RIMBP2: variants seen among roughly 807,000 people sequenced by gnomAD.
RIMBP2 encodes the protein RIMS-binding protein 2.
In RIMBP2, 48 loss-of-function variants were observed where a neutral mutation model predicts 118.6. The ratio of observed to expected loss-of-function variants is 0.40; its 90% CI spans 0.32 to 0.51. The LOEUF (loss-of-function observed/expected upper bound fraction) is 0.51. Ranked by LOEUF, RIMBP2 falls within the 20% of genes least tolerant of loss-of-function variation. The pLI, the probability that RIMBP2 is intolerant of heterozygous loss-of-function variation, is 0.41. For missense variants in RIMBP2, 1,551 were observed against 1,768.3 expected (o/e 0.88, Z 2.20); for synonymous variants, 762 against 742.9 (o/e 1.03, Z -0.42).
chr12:130,671,531 A>C (rs748437054), intron 1 of RIMBP2, among the ~76,000 whole-genome samples: 1 of 152,158 alleles, frequency 6.6e-6, no homozygotes, highest in Non-Finnish European at 1.5e-5. Context: ...CAGTGCCTAG[A>C]TGGGTACCTA....
chr12:130,650,411 T>G (rs1429293048), intron 1 of RIMBP2, among the ~76,000 whole-genome samples: 1 of 152,274 alleles, frequency 6.6e-6, no homozygotes, highest in Non-Finnish European at 1.5e-5. Flanking sequence ...GCCAGCCTTC[T>G]GCTCGTTGCT....
At position 130,406,442 on chromosome 12, in the gene RIMBP2, C is replaced by T. The variant is rs185064120; in HGVS notation, c.3694-199G>A. Among the ~76,000 whole-genome samples the T allele has an allele frequency of 9.8e-5, 15 of 152,302 alleles. No individual in the cohort carries two copies. The East Asian group carries it at 1.9e-3, about 20-fold the overall frequency. ...AGTAAGAACAAACCAAGATAATGTG[C>T]ACCTAAAAGGAAAATGCTGCAGTGC... On this transcript the variant is annotated intron_variant, in intron 20 of 22. Coordinates refer to ENST00000690449, the MANE Select transcript of RIMBP2 (RefSeq NM_001393629.1).
chr12:130,552,230 C>T (rs1245174591), intron 2 of RIMBP2, among the ~76,000 whole-genome samples: 2 of 152,174 alleles, frequency 1.3e-5, no homozygotes, highest in East Asian at 3.9e-4. Context: ...TAATTTTGGT[C>T]AGCCAGAGTA....
chr12:130,590,104 C>A (rs1278935118), intron 2 of RIMBP2, among the ~76,000 whole-genome samples: 1 of 152,210 alleles, frequency 6.6e-6, no homozygotes. Flanking sequence ...ATTCTTCCTG[C>A]AGACGCTTCT....
intron 14 of RIMBP2, chr12:130,432,029 T>G (rs1593271320): frequency 3.8e-6 from 1 of 260,972 alleles, no homozygotes; most frequent in Non-Finnish European, 7.6e-6. Context: ...TGGGGCCACC[T>G]GGGGCTGTGG....
chr12:130,646,392 T>TCTC (rs2062958383), intron 1 of RIMBP2, among the ~76,000 whole-genome samples: 1 of 137,494 alleles, frequency 7.3e-6, no homozygotes, highest in Non-Finnish European at 1.6e-5. Flanking sequence ...ACCACCTCCC[T>TCTC]CACCACCTGC....
intron 2 of RIMBP2, among the ~76,000 whole-genome samples, chr12:130,593,173 G>A (rs1267864316): frequency 1.3e-5 from 2 of 152,182 alleles, no homozygotes; most frequent in Non-Finnish European, 2.9e-5. Flanking sequence ...CCTGGCCCCG[G>A]TGTGGCTCCC....
intron 2 of RIMBP2, among the ~76,000 whole-genome samples, chr12:130,566,362 A>G (rs551757483): frequency 6.6e-6 from 1 of 152,342 alleles, no homozygotes; most frequent in East Asian, 1.9e-4. Flanking sequence ...CTGATGCTCT[A>G]TCTTTAAGGA....
At chr12:130,489,639 T>A (rs978457983) in intron 4 of RIMBP2, among the ~76,000 whole-genome samples, 1 of 152,078 alleles carries the variant, frequency 6.6e-6, no homozygotes, top group Non-Finnish European at 1.5e-5. Flanking sequence ...ACCCCCACTG[T>A]CCCTTCAGCC....
chr12:130,434,996 C>T lies in RIMBP2; in HGVS notation c.2107-116G>A. 8.9e-7 allele frequency: 1 copy of T among 1,118,600 alleles called. No individual in the cohort carries two copies. The highest frequency in any genetic ancestry group is 1.3e-6 in the Non-Finnish European group (1 of 795,734). 69.3% of individuals were successfully genotyped at this position (1,118,600 alleles called of 1,614,324 possible). ...AGAGCCTGGCCAGGCACCCCCCACACAGTGCTTTGGGCCCAGCTCTGCCGC... is the reference window on the plus strand; with the variant it reads ...AGAGCCTGGCCAGGCACCCCCCACATAGTGCTTTGGGCCCAGCTCTGCCGC... On this transcript the variant is annotated intron_variant, in intron 13 of 22. Transcript: ENST00000690449. This position sits in a 1 kb window ranked among gnomAD's most constrained non-coding sequence, Gnocchi z 5.7.
chr12:130,451,480 T>C, intron 7 of RIMBP2, 140 bp from the exon 8 acceptor site: 1 of 933,800 alleles, frequency 1.1e-6, no homozygotes, highest in Non-Finnish European at 1.6e-6. Flanking sequence ...ACCCGTCTCC[T>C]GCTCGCCATC....
At chr12:130,445,708 C>T (rs773349498) in intron 9 of RIMBP2, among the ~76,000 whole-genome samples, 5 of 152,154 alleles carry the variant, frequency 3.3e-5, no homozygotes, top group African/African-American at 7.2e-5. Context: ...AGATAGCATC[C>T]TATACTTCTA....
intron 1 of RIMBP2, among the ~76,000 whole-genome samples, chr12:130,686,431 G>C (rs1204615833): frequency 2.0e-5 from 3 of 152,216 alleles, no homozygotes; most frequent in African/African-American, 4.8e-5. Flanking sequence ...ACAGAAACCC[G>C]GGCACCTCGT....
intron 15 of RIMBP2, chr12:130,426,051 AC>A (rs1300748138): frequency 6.6e-6 from 1 of 152,284 alleles, no homozygotes; most frequent in Non-Finnish European, 1.5e-5. Flanking sequence ...TCGAAAACAA[AC>A]CATCCTTAGA....
At position 130,622,918 on chromosome 12, in the gene RIMBP2, C is replaced by T. The variant is rs2061407821; in HGVS notation, c.-217+5404G>A. 6.6e-6 allele frequency among the ~76,000 whole-genome samples: 1 copy of T among 152,108 alleles called. No homozygotes were observed. The highest frequency in any genetic ancestry group is 2.4e-5 in the African/African-American group (1 of 41,416). On this transcript the variant is annotated intron_variant, in intron 2 of 22. Coordinates refer to ENST00000690449, the MANE Select transcript of RIMBP2 (RefSeq NM_001393629.1). The surrounding 1 kb of genome is among the most constrained non-coding windows in gnomAD (Gnocchi z 8.5). ...AGTAAACAGTTCTTGCCTACTAAGC[C>T]CTGCAGGTAGGAACAAGAAGACTCA...
At chr12:130,716,017 C>T (rs1330455971) in intron 1 of RIMBP2, among the ~76,000 whole-genome samples, 4 of 152,100 alleles carry the variant, frequency 2.6e-5, no homozygotes, top group African/African-American at 7.2e-5. Flanking sequence ...CACCGACATG[C>T]CAGCAGGGCG....
chr12:130,543,973 GT>G, intron 2 of RIMBP2, among the ~76,000 whole-genome samples: 1 of 152,268 alleles, frequency 6.6e-6, no homozygotes. Context: ...GTTTTAACCT[GT>G]TTTTGTTTTC....
intron 1 of RIMBP2, among the ~76,000 whole-genome samples, chr12:130,636,789 C>T (rs1268142523): frequency 6.6e-6 from 1 of 152,208 alleles, no homozygotes; most frequent in Admixed American, 6.5e-5. Flanking sequence ...GACAGCATTA[C>T]TGCAGCCCCT....
At chr12:130,662,477 G>A (rs1809609) in intron 1 of RIMBP2, among the ~76,000 whole-genome samples, 82,495 of 151,798 alleles carry the variant, frequency 0.54, 23,035 homozygotes, top group Non-Finnish European at 0.62. Context: ...CCAACATGGT[G>A]AAACCCCATC....
Sources: gnomAD v4.1 joint callset for allele counts (sites outside exome capture counted in the v4.1 genomes callset) on GRCh38, gnomAD v4.1.1 for gene constraint, Gnocchi (gnomAD v3.1) non-coding constraint, MANE v1.5 for transcripts, NCBI Gene and HGNC (gene_info 2026-07-23, HGNC 2026-07-21) for gene names.